NDUFS2: variants seen among roughly 807,000 people sequenced by gnomAD.
NDUFS2 encodes NADH:ubiquinone oxidoreductase core subunit S2.
In NDUFS2, 38 loss-of-function variants were observed where a neutral mutation model predicts 69.6. The ratio of observed to expected loss-of-function variants is 0.55; its 90% CI spans 0.42 to 0.72. The LOEUF (loss-of-function observed/expected upper bound fraction) is 0.72. Among genes scored for constraint, NDUFS2 ranks in the 30% least tolerant of loss-of-function variants. The probability of loss-of-function intolerance (pLI) is 0.00; values close to 1 mark genes in which losing one functional copy is unlikely to be tolerated. For missense variants in NDUFS2, 468 were observed against 595.0 expected (o/e 0.79, Z 2.22); for synonymous variants, 194 against 211.2 (o/e 0.92, Z 0.70).
At position 161,213,738 on chromosome 1, in the gene NDUFS2, A is replaced by T; in HGVS notation, c.1296+6A>T. On this transcript the variant is annotated splice_donor_region_variant and intron_variant, in intron 12 of 13. Transcript: ENST00000676972. ...CTCCTGGTTTTGCCCATCTGGTAAG[A>T]ATCAATCCCAGTAACTATAACTCCA... is the stretch of plus-strand genomic sequence containing the variant. 1 of 1,614,178 alleles carries T rather than the reference A, an allele frequency of 6.2e-7. No individual in the cohort carries two copies. The highest frequency in any genetic ancestry group is 2.2e-5 in the East Asian group (1 of 44,876).
chr1:161,204,852 AC>A (rs1459298913), intron 2 of NDUFS2, among the ~76,000 whole-genome samples: 1 of 152,102 alleles, frequency 6.6e-6, no homozygotes, highest in Non-Finnish European at 1.5e-5. Flanking sequence ...GGAGTTCAAG[AC>A]CAGCCTGGCC....
chr1:161,214,001 C>T (rs980371122), intron 13 of NDUFS2, 80 bp downstream of exon 13: 1 of 1,613,604 alleles, frequency 6.2e-7, no homozygotes, highest in African/African-American at 1.3e-5. Flanking sequence ...GAGAACACTT[C>T]CTGTTCACCA....
intron 3 of NDUFS2, among the ~76,000 whole-genome samples, chr1:161,207,530 G>T (rs1665531165): frequency 6.6e-6 from 1 of 152,074 alleles, no homozygotes; most frequent in African/African-American, 2.4e-5. Context: ...GAAGCAGGTG[G>T]ATTACTTGAG....
chr1:161,206,376 A>T, intron 2 of NDUFS2, 31 bp from the exon 3 acceptor site: 1 of 1,611,878 alleles, frequency 6.2e-7, no homozygotes, highest in Non-Finnish European at 8.5e-7. Context: ...GGGAATAACC[A>T]TGTGGCTCTG....
chr1:161,212,077 C>T (rs141806760), intron 9 of NDUFS2, among the ~76,000 whole-genome samples: 40 of 151,500 alleles, frequency 2.6e-4, no homozygotes, highest in African/African-American at 9.2e-4. Flanking sequence ...TGGTGGTGCA[C>T]GCCTGTAATC....
At chr1:161,202,518 G>C in intron 1 of NDUFS2, 38 bp downstream of exon 1, 1 of 1,578,092 alleles carries the variant, frequency 6.3e-7, no homozygotes, top group South Asian at 1.1e-5. Context: ...CTTTCTCCAA[G>C]GCTAGGGTTT....
At position 161,208,391 on chromosome 1, in the gene NDUFS2, C is replaced by T. The variant is rs557623799; in HGVS notation, c.394-802C>T. On this transcript the variant is annotated intron_variant, in intron 3 of 13. Coordinates refer to ENST00000676972, the MANE Select transcript of NDUFS2 (RefSeq NM_001377299.1). ...TCTTGTCTCACTGCAACCTCTGCTTCCTGGGTTCAAGTGATTTTCCTGCCT... is the reference window on the plus strand; with the variant it reads ...TCTTGTCTCACTGCAACCTCTGCTTTCTGGGTTCAAGTGATTTTCCTGCCT... 2.4e-3 allele frequency among the ~76,000 whole-genome samples: 372 copies of T among 152,190 alleles called. 1 individual carries two copies. Among genetic ancestry groups the T allele is most frequent in the Non-Finnish European group, 4.3e-3 (290 of 68,018 alleles).
At chr1:161,204,798 G>T (rs1463717257) in intron 2 of NDUFS2, among the ~76,000 whole-genome samples, 1 of 152,150 alleles carries the variant, frequency 6.6e-6, no homozygotes, top group Non-Finnish European at 1.5e-5. Flanking sequence ...GGATGCGGTG[G>T]CTCACACTTT....
chr1:161,201,778 AC>A (rs1483061969), upstream of NDUFS2, among the ~76,000 whole-genome samples: 1 of 152,116 alleles, frequency 6.6e-6, no homozygotes, highest in African/African-American at 2.4e-5. Context: ...CCTCCGCACC[AC>A]CAATGCCGGC....
intron 1 of NDUFS2, among the ~76,000 whole-genome samples, 174 bp downstream of exon 1, chr1:161,202,654 T>A (rs964384617): frequency 3.3e-5 from 5 of 151,910 alleles, no homozygotes; most frequent in Middle Eastern, 3.2e-3. Context: ...GGGGAGAGGG[T>A]CTAGAGTTCG....
chr1:161,212,511 T>C, intron 10 of NDUFS2, 31 bp downstream of exon 10: 5 of 1,607,098 alleles, frequency 3.1e-6, no homozygotes, highest in Non-Finnish European at 4.2e-6. Flanking sequence ...AAGTGTGGGG[T>C]GTTGGAAAGG....
Position 161,206,469 on chromosome 1 carries a change from C to T in NDUFS2, c.265C>T (p.Pro89Ser). 2 of 1,614,222 alleles carry T rather than the reference C, an allele frequency of 1.2e-6. No homozygotes were observed. The highest frequency in any genetic ancestry group is 1.7e-6 in the Non-Finnish European group (2 of 1,180,036). ...NITLNFGPQH[P>S]AAHGVLRLVM... ...TACCCTGAACTTTGGGCCCCAACAC[C>T]CAGCAGCGCATGGTGTCCTGCGACT... is the stretch of plus-strand genomic sequence containing the variant. Residue 89 changes from proline (P) to serine (S), a missense_variant, in exon 3 of 14, where the codon CCA becomes TCA. Physicochemically the swap from Pro to Ser is moderately conservative, Grantham distance 74. Around this residue, in one of 3 missense-constraint regions of NDUFS2, gnomAD observed 339 missense variants for 433.8 expected, o/e 0.78. Transcript: ENST00000676972.
In NDUFS2 at chr1:161,210,833, C is replaced by T. The variant is rs1215766165; in HGVS notation, c.986+123C>T. Reference sequence around the variant, plus strand: ...TGTGGGAGCTCTTGTGTGTGTTAGACGAGGTTGCTCTCAAAACACTTTCAC... The same window carrying T: ...TGTGGGAGCTCTTGTGTGTGTTAGATGAGGTTGCTCTCAAAACACTTTCAC... On this transcript the variant is annotated intron_variant, in intron 9 of 13. Transcript: ENST00000676972. 19 of 1,441,954 alleles carry T rather than the reference C, an allele frequency of 1.3e-5. No homozygotes were observed. The South Asian group carries it at 1.4e-4, about 11-fold the overall frequency. The allele number at this position is 1,441,954 out of a possible 1,614,324, so 89.3% of individuals were successfully genotyped here.
rs777013722 is a variant in NDUFS2 at position 161,209,945 on chromosome 1, C to T, written c.702+14C>T. On this transcript the variant is annotated intron_variant, in intron 6 of 13. Coordinates refer to ENST00000676972, the MANE Select transcript of NDUFS2 (RefSeq NM_001377299.1). ...GGAGTGCACCAGGTGAGCAGGTCCC[C>T]GGCTTCCCCAAATGTCCAGCCCAGG... 1.4e-5 allele frequency: 23 copies of T among 1,613,686 alleles called. No homozygotes were observed. The highest frequency in any genetic ancestry group is 1.2e-4 in the African/African-American group (9 of 74,886).
At chr1:161,200,061 A>G (rs749349828), upstream of NDUFS2, among the ~76,000 whole-genome samples, 1 of 152,072 alleles carries the variant, frequency 6.6e-6, no homozygotes, top group Non-Finnish European at 1.5e-5. Context: ...CCCAGTATCA[A>G]TCTGGGAGAA....
chr1:161,198,395 G>A (rs1451103538), upstream of NDUFS2: 1 of 1,610,062 alleles, frequency 6.2e-7, no homozygotes, highest in Non-Finnish European at 8.5e-7. The surrounding 1 kb of genome is among the most constrained non-coding windows in gnomAD (Gnocchi z 4.7). Flanking sequence ...CAGCCTGGCA[G>A]GGGCGCCCGA....
At position 161,212,495 on chromosome 1, in the gene NDUFS2, G is replaced by T. The variant is rs762648870; in HGVS notation, c.1116+15G>T. 6.8e-6 allele frequency: 11 copies of T among 1,610,026 alleles called. No homozygotes were observed. Among genetic ancestry groups the T allele is most frequent in the African/African-American group, 4.0e-5 (3 of 74,920 alleles). On this transcript the variant is annotated intron_variant, in intron 10 of 13. Transcript: ENST00000676972. ...CAGAGATGAAGGTTGGCTGCAGGGA[G>T]GGGGAAAGTGTGGGGTGTTGGAAAG...
upstream of NDUFS2, chr1:161,202,017 G>A (rs148994924): frequency 5.3e-3 from 2,064 of 389,300 alleles, 37 homozygotes; most frequent in South Asian, 0.022. Flanking sequence ...TAAAGCATGA[G>A]GGCGGCCAAG....
intron 4 of NDUFS2, 22 bp downstream of exon 4, chr1:161,209,335 T>C: frequency 6.2e-7 from 1 of 1,614,174 alleles, no homozygotes; most frequent in Non-Finnish European, 8.5e-7. Context: ...CAACTTTTTC[T>C]GTGGCCCACT....
Sources: allele counts gnomAD v4.1 joint callset (sites outside exome capture counted in the v4.1 genomes callset), GRCh38; gene constraint gnomAD v4.1.1; regional missense constraint gnomAD v4.1.1; non-coding constraint Gnocchi (gnomAD v3.1); transcripts MANE v1.5; gene names NCBI Gene and HGNC (gene_info 2026-07-23, HGNC 2026-07-21).